Variants in SUPV3L1 observed in about 807,000 individuals in gnomAD.
SUPV3L1 encodes ATP-dependent RNA helicase SUPV3L1, mitochondrial.
A neutral mutation model predicts 70.0 loss-of-function variants in SUPV3L1; 35 were observed. The ratio of observed to expected loss-of-function variants is 0.50; its 90% CI spans 0.38 to 0.66. SUPV3L1 has a LOEUF of 0.66. Among genes scored for constraint, SUPV3L1 ranks in the 30% least tolerant of loss-of-function variants. SUPV3L1 has a pLI of 0.00. For synonymous variants in SUPV3L1, 364 were observed against 341.9 expected (o/e 1.06, Z -0.71); for missense variants, 777 against 961.5 (o/e 0.81, Z 2.54).
intron 1 of SUPV3L1, among the ~76,000 whole-genome samples, chr10:69,181,903 T>G (rs1361719369): frequency 6.6e-6 from 1 of 152,142 alleles, no homozygotes; most frequent in Non-Finnish European, 1.5e-5. Flanking sequence ...GAGAATGTGT[T>G]ATTTTAATAA....
chr10:69,185,858 T>C (rs1427262481), intron 1 of SUPV3L1, 129 bp from the exon 2 acceptor site: 1 of 757,020 alleles, frequency 1.3e-6, no homozygotes, highest in Non-Finnish European at 2.3e-6. Context: ...AAGGATCGAC[T>C]AAAACCTTCT....
chr10:69,192,790 C>G (rs1050193997), intron 6 of SUPV3L1: 1 of 152,232 alleles, frequency 6.6e-6, no homozygotes, highest in South Asian at 2.1e-4. Context: ...ACTGCAGCCT[C>G]GACCTCCTGG....
At chr10:69,193,789 TAAA>T (rs1165789006) in intron 6 of SUPV3L1, among the ~76,000 whole-genome samples, 2 of 152,242 alleles carry the variant, frequency 1.3e-5, no homozygotes, top group Non-Finnish European at 2.9e-5. Context: ...ATTGTATTTT[TAAA>T]TGTTCTCTTT....
In SUPV3L1 at chr10:69,198,386, G is replaced by A; in HGVS notation, c.1038G>A (p.Lys346=). The A allele has an allele frequency of 6.2e-7, 1 of 1,606,998 alleles. No homozygotes were observed. The highest frequency in any genetic ancestry group is 8.5e-7 in the Non-Finnish European group (1 of 1,177,466). The change falls in exon 9 of 15, where the codon AAG becomes AAA. Residue 346 remains lysine, a synonymous_variant. Transcript: ENST00000359655. ...TGEEVEVRDY[K]RLTPISVLDH... ...CTTTATTGTAGGTTCGAGACTATAAGAGGCTTACCCCCATTTCTGTGCTGG... is the reference window on the plus strand; with the variant it reads ...CTTTATTGTAGGTTCGAGACTATAAAAGGCTTACCCCCATTTCTGTGCTGG...
chr10:69,200,556 C>T (rs528222632), intron 11 of SUPV3L1, 57 bp downstream of exon 11: 21 of 1,416,772 alleles, frequency 1.5e-5, no homozygotes, highest in East Asian at 1.2e-4. Flanking sequence ...TTCTTTCCCT[C>T]ACCCACCATC....
At position 69,191,530 on chromosome 10, in the gene SUPV3L1, G is replaced by A. The variant is rs1226622437; in HGVS notation, c.742-125G>A. On this transcript the variant is annotated intron_variant, in intron 5 of 14. Transcript: ENST00000359655. ...GCATGAGCCACCGTGTCTGGCCGTG[G>A]GAACATTATGTTTTAACTGTGAAAC... 3.9e-6 allele frequency: 3 copies of A among 768,862 alleles called. No individual in the cohort carries two copies. The African/African-American group carries it at 5.2e-5, about 13-fold the overall frequency. 47.6% of individuals were successfully genotyped at this position (768,862 alleles called of 1,614,324 possible). A position where few individuals can be genotyped will look rare whatever the true frequency, so the allele number is the denominator to read the frequency against.
At chr10:69,207,688 T>G (rs978531580) in intron 13 of SUPV3L1, 105 bp from the exon 14 acceptor site, 85 of 1,355,572 alleles carry the variant, frequency 6.3e-5, no homozygotes, top group Non-Finnish European at 8.3e-5. Flanking sequence ...TCTATTGAAA[T>G]ACAACCACAA....
chr10:69,193,499 G>C (rs931579516), intron 6 of SUPV3L1, among the ~76,000 whole-genome samples: 5 of 147,960 alleles, frequency 3.4e-5, no homozygotes, highest in African/African-American at 1.3e-4. Flanking sequence ...CTGTCGTTCA[G>C]GTGGGAGTGC....
At chr10:69,199,717 T>C (rs994686749) in intron 10 of SUPV3L1, among the ~76,000 whole-genome samples, 4 of 152,076 alleles carry the variant, frequency 2.6e-5, no homozygotes, top group Non-Finnish European at 4.4e-5. Context: ...CCACCACTAC[T>C]GCTAACCTAT....
chr10:69,186,329 A>G lies in SUPV3L1; in HGVS notation c.350-114A>G. ...ATAATAAACCAGCTGTACTGCCAAA[A>G]AAAAAAAAAAAAAAAGAAAAAAAAA... is the stretch of plus-strand genomic sequence containing the variant. On this transcript the variant is annotated intron_variant, in intron 2 of 14. Transcript: ENST00000359655. 13 of 622,370 alleles carry G rather than the reference A, an allele frequency of 2.1e-5. No individual in the cohort carries two copies. In the Admixed American group the frequency reaches 5.1e-4, roughly 24 times the overall value. The allele number at this position is 622,370 out of a possible 1,614,324, so 38.6% of individuals were successfully genotyped here.
chr10:69,189,732 C>T (rs182548286), intron 5 of SUPV3L1, among the ~76,000 whole-genome samples: 78 of 149,836 alleles, frequency 5.2e-4, no homozygotes, highest in African/African-American at 1.7e-3. Context: ...CTGCAAGCTC[C>T]GCCTCTCGGG....
At position 69,195,039 on chromosome 10, in the gene SUPV3L1, A is replaced by G. The variant is rs562177435; in HGVS notation, c.854-149A>G. The G allele has an allele frequency of 9.5e-5, 53 of 557,942 alleles. 1 individual carries two copies. The South Asian group carries it at 1.2e-3, about 13-fold the overall frequency. The allele number at this position is 557,942 out of a possible 1,614,324, so 34.6% of individuals were successfully genotyped here. A position where few individuals can be genotyped will look rare whatever the true frequency, so the allele number is the denominator to read the frequency against. On this transcript the variant is annotated intron_variant, in intron 6 of 14. Transcript: ENST00000359655. ...AAAGAGGAGGTACTTAAGAGGAGGT[A>G]AAACACTTAGAACAAACCTGCTGGA...
At chr10:69,204,886 G>A (rs1384136967) in intron 13 of SUPV3L1, among the ~76,000 whole-genome samples, 1 of 151,824 alleles carries the variant, frequency 6.6e-6, no homozygotes, top group Non-Finnish European at 1.5e-5. Flanking sequence ...CGATTCTCGT[G>A]CCTCAGCCTC....
At chr10:69,205,469 G>A (rs919615525) in intron 13 of SUPV3L1, among the ~76,000 whole-genome samples, 2 of 152,118 alleles carry the variant, frequency 1.3e-5, no homozygotes, top group Admixed American at 1.3e-4. Context: ...CAAACTCCTG[G>A]GCTCAGGCGA....
intron 13 of SUPV3L1, among the ~76,000 whole-genome samples, chr10:69,204,727 G>T (rs1418271151): frequency 6.6e-6 from 1 of 151,658 alleles, no homozygotes; most frequent in Non-Finnish European, 1.5e-5. Flanking sequence ...GCATGTTCAT[G>T]TGGAAACACT....
Position 69,208,749 on chromosome 10 carries a change from C to T in SUPV3L1, c.2075C>T (p.Pro692Leu), listed in dbSNP as rs28932172. The T allele has an allele frequency of 0.014, 22,960 of 1,614,094 alleles. 191 individuals are homozygous for T. The highest frequency in any genetic ancestry group is 0.017 in the Non-Finnish European group (19,572 of 1,180,024). Reference sequence around the variant, plus strand: ...AAGCTGTTGAATTTGGAGGGCTTTCCATCAGGGAGCCAGTCACGATTGTCA... The same window carrying T: ...AAGCTGTTGAATTTGGAGGGCTTTCTATCAGGGAGCCAGTCACGATTGTCA... Reference protein sequence around the residue: ...THKLLNLEGFPSGSQSRLSGT... With the variant: ...THKLLNLEGFLSGSQSRLSGT... The change falls in exon 15 of 15, where the codon CCA (proline) becomes CTA (leucine). Residue 692 changes from proline (P) to leucine (L), a missense_variant. Physicochemically the swap from Pro to Leu is moderately conservative, Grantham distance 98. This residue lies in a region of SUPV3L1 where 619 missense variants were observed against 823.3 expected (regional missense o/e 0.75). Coordinates refer to ENST00000359655, the MANE Select transcript of SUPV3L1 (RefSeq NM_003171.5).
chr10:69,185,340 G>A (rs5030908), intron 1 of SUPV3L1, among the ~76,000 whole-genome samples: 8,651 of 152,216 alleles, frequency 0.057, 289 homozygotes, highest in South Asian at 0.13. Flanking sequence ...TGTTTTAGCT[G>A]CTCACTGTTT....
intron 13 of SUPV3L1, among the ~76,000 whole-genome samples, chr10:69,204,923 G>A (rs1328928300): frequency 1.3e-5 from 2 of 151,970 alleles, no homozygotes; most frequent in Non-Finnish European, 2.9e-5. Context: ...ACAGGCATGT[G>A]CCATGCCTGG....
At chr10:69,188,046 C>T (rs1442402319) in intron 4 of SUPV3L1, among the ~76,000 whole-genome samples, 4 of 152,054 alleles carry the variant, frequency 2.6e-5, no homozygotes, top group East Asian at 1.9e-4. Flanking sequence ...TTTAGCTGAG[C>T]GCCTGGGTGT....
Sources: allele counts gnomAD v4.1 joint callset (sites outside exome capture counted in the v4.1 genomes callset), GRCh38; gene constraint gnomAD v4.1.1; regional missense constraint gnomAD v4.1.1; transcripts MANE v1.5; gene names NCBI Gene and HGNC (gene_info 2026-07-23, HGNC 2026-07-21).